The following TBRG4 variants were observed in gnomAD, a reference collection of about 807,000 sequenced individuals.
TBRG4 encodes FAST kinase domain-containing protein 4.
TBRG4 carries 43 observed loss-of-function variants against 65.6 expected under a neutral mutation model. That is an observed-to-expected ratio of 0.66 (90% confidence interval 0.51 to 0.85). TBRG4 has a LOEUF of 0.85. Ranked by LOEUF, TBRG4 falls within the 40% of genes least tolerant of loss-of-function variation. The probability of loss-of-function intolerance (pLI) is 0.00; values close to 1 mark genes in which losing one functional copy is unlikely to be tolerated. For synonymous variants in TBRG4, 366 were observed against 341.4 expected (o/e 1.07, Z -0.79); for missense variants, 709 against 787.9 (o/e 0.90, Z 1.20).
intron 5 of TBRG4, 49 bp downstream of exon 5, chr7:45,104,050 G>C (rs747303191): frequency 6.6e-7 from 1 of 1,525,882 alleles, no homozygotes; most frequent in South Asian, 1.3e-5. Flanking sequence ...GTTCCCAGCA[G>C]ATGGCCAGGA....
At chr7:45,107,246 C>T (rs17172379) in intron 2 of TBRG4, 7,372 of 152,320 alleles carry the variant, frequency 0.048, 207 homozygotes, top group Middle Eastern at 0.075. Flanking sequence ...TGAGAACCAT[C>T]AGTCCCACTA....
chr7:45,100,466 G>A (rs1330625882), intron 10 of TBRG4, 40 bp from the exon 11 acceptor site: 8 of 1,539,224 alleles, frequency 5.2e-6, no homozygotes, highest in Non-Finnish European at 7.2e-6. Flanking sequence ...TGGGCAAGGA[G>A]ATCCCTTCCA....
At chr7:45,101,233 G>T in intron 10 of TBRG4, 25 bp downstream of exon 10, 2 of 1,604,282 alleles carry the variant, frequency 1.2e-6, no homozygotes, top group South Asian at 2.2e-5. Flanking sequence ...CCTGTGCAGT[G>T]ACCACCTGCC....
intron 6 of TBRG4, 78 bp from the exon 7 acceptor site, chr7:45,102,569 A>G: frequency 6.4e-7 from 1 of 1,553,918 alleles, no homozygotes; most frequent in Non-Finnish European, 8.7e-7. Flanking sequence ...GACACAATCC[A>G]TGATGTGGTC....
chr7:45,104,299 A>C, intron 4 of TBRG4, 43 bp from the exon 5 acceptor site: 1 of 1,612,146 alleles, frequency 6.2e-7, no homozygotes, highest in Non-Finnish European at 8.5e-7. Flanking sequence ...GGAGAGAGTC[A>C]GCAATCACCC....
chr7:45,106,112 A>G (rs763468027), intron 2 of TBRG4: 1 of 557,954 alleles, frequency 1.8e-6, no homozygotes, highest in Non-Finnish European at 3.5e-6. Context: ...GCACCTGCAG[A>G]GCCAGAGCAC....
rs1291274207 is a variant in TBRG4, at chr7:45,101,623, G to A, written c.1568-9C>T. ...CAGCAGCACCTCAGCATCTGGGGAA[G>A]GGGTGTGGGATGAGAACATGTTGGG... On this transcript the variant is annotated splice_polypyrimidine_tract_variant and intron_variant, in intron 8 of 10. Coordinates refer to ENST00000258770, the MANE Select transcript of TBRG4 (RefSeq NM_004749.4). 1.2e-6 allele frequency: 2 copies of A among 1,612,614 alleles called. No homozygotes were observed. The highest frequency in any genetic ancestry group is 4.5e-5 in the East Asian group (2 of 44,848).
At position 45,108,963 on chromosome 7, in the gene TBRG4, C is replaced by T. The variant is rs1252748772; in HGVS notation, c.275G>A (p.Ser92Asn). ...TGCTTGATTGCTGTCCAAGTCGTGA[C>T]TGCCACCAAGTAGCTCCAGGAGCTC... is the stretch of plus-strand genomic sequence containing the variant. ...PEELLELLGG[S>N]HDLDSNQAAM... is the part of the protein sequence containing the mutation. Residue 92 changes from serine (S) to asparagine (N), a missense_variant, in exon 2 of 11, where the codon AGT (serine) becomes AAT (asparagine). Coordinates refer to ENST00000258770, the MANE Select transcript of TBRG4 (RefSeq NM_004749.4). 1.2e-6 allele frequency: 2 copies of T among 1,612,616 alleles called. No homozygotes were observed. Among genetic ancestry groups the T allele is most frequent in the East Asian group, 2.2e-5 (1 of 44,888 alleles).
At chr7:45,100,757 CACATGTTCA>C (rs1163824813) in intron 10 of TBRG4, among the ~76,000 whole-genome samples, 1 of 152,224 alleles carries the variant, frequency 6.6e-6, no homozygotes, top group Non-Finnish European at 1.5e-5. Context: ...CTCATGAAGC[CACATGTTCA>C]TTCACTGGCC....
intron 2 of TBRG4, 104 bp downstream of exon 2, chr7:45,108,723 G>GC (rs142768320): frequency 0.043 from 38,646 of 894,520 alleles, 999 homozygotes; most frequent in Middle Eastern, 0.068. Flanking sequence ...CACAAGAGAT[G>GC]CAAGGCCCCT....
intron 4 of TBRG4, 46 bp downstream of exon 4, chr7:45,104,492 A>G: frequency 6.2e-7 from 1 of 1,613,388 alleles, no homozygotes; most frequent in Non-Finnish European, 8.5e-7. Flanking sequence ...AGGCATCTGC[A>G]GGGCCAGCGC....
At chr7:45,110,952 G>C (rs1018851769) in intron 1 of TBRG4, 1 of 151,994 alleles carries the variant, frequency 6.6e-6, no homozygotes, top group African/African-American at 2.4e-5. Context: ...ACCACTTCCT[G>C]AGCCTAAGCA....
At chr7:45,108,720 G>C (rs1785031634) in intron 2 of TBRG4, 107 bp downstream of exon 2, 3 of 866,532 alleles carry the variant, frequency 3.5e-6, no homozygotes, top group Non-Finnish European at 5.0e-6. Flanking sequence ...TATCACAAGA[G>C]ATGCAAGGCC....
rs1784900020 is a variant in TBRG4, at chr7:45,105,167, G to A, written c.735+274C>T. ...CCCCCTCTCAAGATCGTGCTGTGAT[G>A]GGGTTTGGGGGAAAGATAAAGGTGC... On this transcript the variant is annotated intron_variant, in intron 3 of 10. Transcript: ENST00000258770. 4.8e-6 allele frequency: 3 copies of A among 623,722 alleles called. No individual in the cohort carries two copies. In the African/African-American group the frequency reaches 5.4e-5, roughly 11 times the overall value. 38.6% of individuals were successfully genotyped at this position (623,722 alleles called of 1,614,324 possible).
rs566841489 is a variant in TBRG4 at position 45,100,301 on chromosome 7, C to T, written c.*24G>A. 3.1e-6 allele frequency: 5 copies of T among 1,604,122 alleles called. No homozygotes were observed. Among genetic ancestry groups the T allele is most frequent in the East Asian group, 2.2e-5 (1 of 44,826 alleles). On this transcript the variant is annotated 3_prime_UTR_variant, in exon 11 of 11. Coordinates refer to ENST00000258770, the MANE Select transcript of TBRG4 (RefSeq NM_004749.4). ...CAGCTAGACCTCCGGCGGAGAGGCA[C>T]GCAGTCCATGCTGCTGGCACAAGTC...
At chr7:45,106,147 G>A (rs567626193) in intron 2 of TBRG4, 1 of 507,616 alleles carries the variant, frequency 2.0e-6, no homozygotes, top group East Asian at 5.1e-5. Flanking sequence ...CCAGATCCAA[G>A]GGTACACCTC....
intron 7 of TBRG4, 80 bp from the exon 8 acceptor site, chr7:45,102,150 C>T (rs1447457131): frequency 1.3e-6 from 2 of 1,535,062 alleles, no homozygotes; most frequent in Non-Finnish European, 1.7e-6. Flanking sequence ...CAGTGCACCC[C>T]TACACCCAGT....
intron 1 of TBRG4, among the ~76,000 whole-genome samples, chr7:45,109,955 TGA>T (rs1369210175): frequency 1.4e-4 from 17 of 124,902 alleles, no homozygotes; most frequent in Non-Finnish European, 2.2e-4. Context: ...CCAGCCTGGG[TGA>T]GAGACTCCAT....
rs1023172347 is a variant in TBRG4 at position 45,106,332 on chromosome 7, G to A, written c.412-568C>T. ...AAAGAGAGACCACACTCTTTTACATGGTCCTGGCTACAGCTCTGGGTAGTG... is the reference window on the plus strand; with the variant it reads ...AAAGAGAGACCACACTCTTTTACATAGTCCTGGCTACAGCTCTGGGTAGTG... On this transcript the variant is annotated intron_variant, in intron 2 of 10. Transcript: ENST00000258770. 4 of 259,286 alleles carry A rather than the reference G, an allele frequency of 1.5e-5. No homozygotes were observed. The Admixed American group carries it at 1.8e-4, about 12-fold the overall frequency. 16.1% of individuals were successfully genotyped at this position (259,286 alleles called of 1,614,324 possible).
Sources: allele counts gnomAD v4.1 joint callset (sites outside exome capture counted in the v4.1 genomes callset), GRCh38; gene constraint gnomAD v4.1.1; transcripts MANE v1.5; gene names NCBI Gene and HGNC (gene_info 2026-07-23, HGNC 2026-07-21).